Variants in PRKCB observed in about 807,000 individuals in gnomAD.
The protein encoded by PRKCB is protein kinase C beta, also known as protein kinase C beta type.
Under a neutral mutation model 81.5 loss-of-function variants are expected in PRKCB, and 13 were observed. The ratio of observed to expected loss-of-function variants is 0.16; its 90% CI spans 0.10 to 0.25. PRKCB has a LOEUF of 0.25. Among genes scored for constraint, PRKCB ranks in the 10% least tolerant of loss-of-function variants. The pLI, the probability that PRKCB is intolerant of heterozygous loss-of-function variation, is 1.00. For synonymous variants in PRKCB, 335 were observed against 321.4 expected (o/e 1.04, Z -0.45); for missense variants, 509 against 875.7 (o/e 0.58, Z 5.29).
chr16:23,837,333 C>T (rs746212043), intron 1 of PRKCB, 42 bp from the exon 2 acceptor site: 195 of 1,609,916 alleles, frequency 1.2e-4, no homozygotes, highest in Non-Finnish European at 1.6e-4. Context: ...GGAGGCTGGG[C>T]CCCCCGGGCT....
chr16:23,952,204 T>C (rs1490546338), intron 2 of PRKCB, among the ~76,000 whole-genome samples: 1 of 152,034 alleles, frequency 6.6e-6, no homozygotes, highest in Non-Finnish European at 1.5e-5. Context: ...AGGGAGTGAA[T>C]CACAAGCTCT....
intron 2 of PRKCB, among the ~76,000 whole-genome samples, chr16:23,943,393 T>C (rs1228953304): frequency 6.6e-5 from 10 of 152,044 alleles, no homozygotes; most frequent in Non-Finnish European, 1.5e-4. Flanking sequence ...ACCAGGCTAG[T>C]TGACATACAC....
chr16:23,846,445 A>T (rs1371748311), intron 2 of PRKCB, among the ~76,000 whole-genome samples: 1 of 151,726 alleles, frequency 6.6e-6, no homozygotes, highest in African/African-American at 2.4e-5. Context: ...CTCCTTCACT[A>T]CTAAAAATAC....
intron 2 of PRKCB, among the ~76,000 whole-genome samples, chr16:23,850,910 G>T (rs552899667): frequency 1.3e-5 from 2 of 152,220 alleles, no homozygotes; most frequent in South Asian, 4.1e-4. Flanking sequence ...TTGGCCATTT[G>T]TGTGTCTTCT....
At chr16:24,081,264 TA>T (rs576041051) in intron 5 of PRKCB, among the ~76,000 whole-genome samples, 3,886 of 142,004 alleles carry the variant, frequency 0.027, 123 homozygotes, top group African/African-American at 0.077. Context: ...GGCTTAATAA[TA>T]AAAAAAAAAA....
In PRKCB at chr16:24,215,531, C is replaced by G. The variant is rs1028848271; in HGVS notation, c.*715C>G. 2 of 985,612 alleles carry G rather than the reference C, an allele frequency of 2.0e-6. No homozygotes were observed. Among genetic ancestry groups the G allele is most frequent in the East Asian group, 1.1e-4 (1 of 8,812 alleles). 61.1% of individuals were successfully genotyped at this position (985,612 alleles called of 1,614,324 possible). On this transcript the variant is annotated 3_prime_UTR_variant, in exon 17 of 17. Coordinates refer to ENST00000643927, the MANE Select transcript of PRKCB (RefSeq NM_002738.7). ...CTTGAAAAGGGCATTTGGCACCACT[C>G]TCTGAAACAACACAGTCACTCTAGC...
At chr16:23,903,316 A>T (rs1245031253) in intron 2 of PRKCB, among the ~76,000 whole-genome samples, 2 of 151,248 alleles carry the variant, frequency 1.3e-5, no homozygotes, top group Non-Finnish European at 2.9e-5. Context: ...AGTGATAGAG[A>T]TTCTCCTGGT....
chr16:24,110,500 C>T (rs1043277515), intron 7 of PRKCB, among the ~76,000 whole-genome samples: 1 of 149,180 alleles, frequency 6.7e-6, no homozygotes, highest in Non-Finnish European at 1.5e-5. Flanking sequence ...CATAAGCCAC[C>T]ATGCCCAACC....
chr16:23,982,635 C>T (rs892148262), intron 2 of PRKCB, among the ~76,000 whole-genome samples: 1 of 151,894 alleles, frequency 6.6e-6, no homozygotes, highest in Admixed American at 6.6e-5. Context: ...TGCCATGTTG[C>T]CCAGGATGGT....
intron 9 of PRKCB, among the ~76,000 whole-genome samples, chr16:24,134,184 C>T (rs977627208): frequency 3.9e-5 from 6 of 152,196 alleles, no homozygotes; most frequent in Non-Finnish European, 8.8e-5. Context: ...AGGAGTGAAC[C>T]ACCATGCCCA....
chr16:23,894,664 A>T (rs1963346271), intron 2 of PRKCB, among the ~76,000 whole-genome samples: 1 of 152,218 alleles, frequency 6.6e-6, no homozygotes, highest in Non-Finnish European at 1.5e-5. Context: ...GCCAACCCAG[A>T]GAATTGTGAG....
At chr16:23,892,358 G>T (rs942061514) in intron 2 of PRKCB, among the ~76,000 whole-genome samples, 1 of 152,188 alleles carries the variant, frequency 6.6e-6, no homozygotes, top group African/African-American at 2.4e-5. Flanking sequence ...GCTTCAGGAT[G>T]CAGTATCAGC....
Position 24,172,308 on chromosome 16 carries a change from C to G in PRKCB, c.1278C>G (p.Gly426=). The change falls in exon 11 of 17, where the codon GGC becomes GGG. Residue 426 remains glycine (G), a synonymous_variant. Transcript: ENST00000643927. ...TTGTGATGGAGTACGTGAATGGGGG[C>G]GACCTCATGTATCACATCCAGCAAG... The part of the protein sequence containing the change: ...LYFVMEYVNG[G]DLMYHIQQVG... 1 of 1,613,900 alleles carries G rather than the reference C, an allele frequency of 6.2e-7. No individual in the cohort carries two copies. The highest frequency in any genetic ancestry group is 8.5e-7 in the Non-Finnish European group (1 of 1,179,918).
chr16:23,846,649 A>G (rs967616189), intron 2 of PRKCB, among the ~76,000 whole-genome samples: 5 of 150,450 alleles, frequency 3.3e-5, no homozygotes, highest in Admixed American at 6.6e-5. Flanking sequence ...TTCTACCTAT[A>G]AACCAACTTT....
intron 16 of PRKCB, among the ~76,000 whole-genome samples, chr16:24,204,428 T>A (rs1968011892): frequency 1.3e-5 from 2 of 152,166 alleles, no homozygotes; most frequent in Admixed American, 6.5e-5. Flanking sequence ...GAACAAACTG[T>A]TAACTCTTAA....
chr16:23,914,941 T>G (rs1463114760), intron 2 of PRKCB, among the ~76,000 whole-genome samples: 1 of 152,254 alleles, frequency 6.6e-6, no homozygotes, highest in East Asian at 1.9e-4. Flanking sequence ...TTTGGGGTCC[T>G]GGGTGCTTCT....
intron 5 of PRKCB, among the ~76,000 whole-genome samples, chr16:24,066,498 C>G (rs142169609): frequency 1.3e-5 from 2 of 152,242 alleles, no homozygotes; most frequent in South Asian, 4.1e-4. Flanking sequence ...ATAGACTTCC[C>G]GTATACCTTT....
intron 2 of PRKCB, among the ~76,000 whole-genome samples, chr16:23,972,252 A>G (rs1379033854): frequency 2.0e-5 from 3 of 152,208 alleles, no homozygotes; most frequent in African/African-American, 4.8e-5. Context: ...TGTCTACCAC[A>G]GGCTGGGGGT....
intron 12 of PRKCB, among the ~76,000 whole-genome samples, chr16:24,175,309 A>C (rs913708830): frequency 2.0e-5 from 3 of 151,982 alleles, no homozygotes; most frequent in Non-Finnish European, 2.9e-5. Flanking sequence ...GTCTATTTCA[A>C]AGATTATGAA....
Sources: allele counts gnomAD v4.1 joint callset (sites outside exome capture counted in the v4.1 genomes callset), GRCh38; gene constraint gnomAD v4.1.1; transcripts MANE v1.5; gene names NCBI Gene and HGNC (gene_info 2026-07-23, HGNC 2026-07-21).